FRMD4A: variants seen among roughly 807,000 people sequenced by gnomAD.
FRMD4A encodes FERM domain containing 4A.
In FRMD4A, 29 loss-of-function variants were observed where a neutral mutation model predicts 129.1. The ratio of observed to expected loss-of-function variants is 0.22; its 90% CI spans 0.17 to 0.31. The LOEUF is 0.31. FRMD4A is among the 10% of genes least tolerant of loss of function. The pLI is 1.00. For missense variants in FRMD4A, 1,272 were observed against 1,375.8 expected (o/e 0.92, Z 1.19); for synonymous variants, 634 against 571.6 (o/e 1.11, Z -1.56).
intron 2 of FRMD4A, among the ~76,000 whole-genome samples, chr10:14,066,111 G>A (rs1246579746): frequency 3.3e-5 from 5 of 151,128 alleles, no homozygotes; most frequent in South Asian, 2.1e-4. Context: ...TCCTTTGGAC[G>A]TGAAATATAA....
At chr10:13,945,497 T>A (rs368458322) in intron 2 of FRMD4A, among the ~76,000 whole-genome samples, 57 of 152,294 alleles carry the variant, frequency 3.7e-4, no homozygotes, top group African/African-American at 1.3e-3. Flanking sequence ...ATTTTTTTCC[T>A]TGCAGTTTTT....
intron 2 of FRMD4A, among the ~76,000 whole-genome samples, chr10:14,289,299 T>A (rs578047826): frequency 4.6e-4 from 70 of 152,304 alleles, no homozygotes; most frequent in Middle Eastern, 3.4e-3. Context: ...GGGTTTTTTT[T>A]AAATAAAATA....
At chr10:13,762,778 G>T in intron 6 of FRMD4A, 98 bp from the exon 7 acceptor site, 1 of 756,996 alleles carries the variant, frequency 1.3e-6, no homozygotes, top group Admixed American at 2.2e-5. Flanking sequence ...AGGATTACTT[G>T]AGCCCTGGAG....
chr10:14,117,320 A>G (rs1043350516), intron 2 of FRMD4A, among the ~76,000 whole-genome samples: 6 of 152,202 alleles, frequency 3.9e-5, no homozygotes, highest in African/African-American at 1.2e-4. Flanking sequence ...AGAGCCTCCA[A>G]CAGCTAATGA....
chr10:14,099,952 C>G (rs968538825), intron 2 of FRMD4A, among the ~76,000 whole-genome samples: 15 of 152,304 alleles, frequency 9.8e-5, no homozygotes, highest in African/African-American at 3.6e-4. Flanking sequence ...GAGCGAGTAC[C>G]TTCTCCCTCC....
At chr10:14,125,120 A>T (rs969400190) in intron 2 of FRMD4A, among the ~76,000 whole-genome samples, 14 of 152,190 alleles carry the variant, frequency 9.2e-5, no homozygotes, top group Admixed American at 3.9e-4. Flanking sequence ...GAAGTAATCA[A>T]GTCCAGGACT....
intron 2 of FRMD4A, among the ~76,000 whole-genome samples, chr10:14,305,672 C>T (rs910278420): frequency 7.2e-5 from 11 of 152,072 alleles, no homozygotes; most frequent in Non-Finnish European, 1.6e-4. Context: ...AACATATATG[C>T]ACACATATGT....
chr10:14,306,680 A>G (rs1219098544), intron 2 of FRMD4A, among the ~76,000 whole-genome samples: 3 of 152,242 alleles, frequency 2.0e-5, no homozygotes, highest in African/African-American at 7.2e-5. Context: ...AGGGGAATGC[A>G]CTAGTTACAA....
intron 2 of FRMD4A, among the ~76,000 whole-genome samples, chr10:14,019,107 C>T (rs1832614113): frequency 1.3e-5 from 2 of 151,852 alleles, no homozygotes. Flanking sequence ...AAGGGAGTTC[C>T]CAGAATAATA....
intron 2 of FRMD4A, among the ~76,000 whole-genome samples, chr10:14,257,605 C>A (rs970720099): frequency 1.3e-5 from 2 of 152,146 alleles, no homozygotes; most frequent in Non-Finnish European, 2.9e-5. Flanking sequence ...AAGATGAGGT[C>A]ATATTGGATT....
intron 3 of FRMD4A, among the ~76,000 whole-genome samples, chr10:13,844,863 C>T (rs779544722): frequency 4.6e-5 from 7 of 152,168 alleles, no homozygotes; most frequent in African/African-American, 1.4e-4. Flanking sequence ...ACACTGCAGT[C>T]TCTAGGAAGG....
At chr10:14,161,490 A>C (rs183694721) in intron 2 of FRMD4A, among the ~76,000 whole-genome samples, 39 of 150,638 alleles carry the variant, frequency 2.6e-4, no homozygotes, top group African/African-American at 8.9e-4. Context: ...GTTTGGCCAT[A>C]AAAAAGAATG....
intron 2 of FRMD4A, among the ~76,000 whole-genome samples, chr10:13,924,285 C>A (rs2095105243): frequency 6.6e-6 from 1 of 152,168 alleles, no homozygotes; most frequent in African/African-American, 2.4e-5. Context: ...AGCTGAAGTT[C>A]CTCCAATGAC....
chr10:13,689,402 G>A (rs368059407), intron 15 of FRMD4A, among the ~76,000 whole-genome samples: 2 of 152,112 alleles, frequency 1.3e-5, no homozygotes, highest in South Asian at 2.1e-4. Flanking sequence ...GCAGGACACT[G>A]ACGTGACACA....
intron 2 of FRMD4A, among the ~76,000 whole-genome samples, chr10:14,185,861 G>A (rs1331020746): frequency 2.0e-5 from 3 of 152,112 alleles, no homozygotes; most frequent in Admixed American, 2.0e-4. Context: ...GTTTCCCATA[G>A]AGTTAGAGTG....
chr10:14,181,261 G>A (rs1462822824), intron 2 of FRMD4A, among the ~76,000 whole-genome samples: 1 of 152,172 alleles, frequency 6.6e-6, no homozygotes, highest in Non-Finnish European at 1.5e-5. Context: ...TCCCGTGTTT[G>A]AAAAGAGGTA....
At chr10:14,149,177 T>C (rs1237982391) in intron 2 of FRMD4A, among the ~76,000 whole-genome samples, 2 of 152,212 alleles carry the variant, frequency 1.3e-5, no homozygotes, top group African/African-American at 2.4e-5. Context: ...AGAAAACCCA[T>C]GCTATGTAAG....
intron 2 of FRMD4A, among the ~76,000 whole-genome samples, chr10:14,154,947 T>A (rs1195146795): frequency 1.3e-5 from 2 of 152,218 alleles, no homozygotes; most frequent in Admixed American, 6.5e-5. Flanking sequence ...TACTCAACTA[T>A]GAAGTGGTCA....
intron 4 of FRMD4A, among the ~76,000 whole-genome samples, chr10:13,802,107 T>C (rs1248868667): frequency 6.6e-6 from 1 of 151,776 alleles, no homozygotes; most frequent in Non-Finnish European, 1.5e-5. Context: ...GCTCATTTGG[T>C]TTATGGTTGC....
Sources: gnomAD v4.1 joint callset for allele counts (sites outside exome capture counted in the v4.1 genomes callset) on GRCh38, gnomAD v4.1.1 for gene constraint, MANE v1.5 for transcripts, NCBI Gene and HGNC (gene_info 2026-07-23, HGNC 2026-07-21) for gene names.